The following ASAP1 variants were observed in gnomAD, a reference collection of about 807,000 sequenced individuals.
ASAP1 encodes arf-GAP with SH3 domain, ANK repeat and PH domain-containing protein 1.
ASAP1 carries 43 observed loss-of-function variants against 145.2 expected under a neutral mutation model. The observed-to-expected ratio is 0.30, with a 90% CI of 0.23 to 0.38. The LOEUF (loss-of-function observed/expected upper bound fraction) is 0.38, where lower values mean the gene tolerates loss of function less well. ASAP1 is among the 10% of genes least tolerant of loss of function. ASAP1 has a pLI of 1.00. For synonymous variants in ASAP1, 546 were observed against 515.5 expected (o/e 1.06, Z -0.80); for missense variants, 1,018 against 1,355.3 (o/e 0.75, Z 3.91).
chr8:130,422,354 A>ACTG (rs1434713969), intron 1 of ASAP1, among the ~76,000 whole-genome samples: 1 of 152,182 alleles, frequency 6.6e-6, no homozygotes, highest in Non-Finnish European at 1.5e-5. Context: ...ACAGAGAAAC[A>ACTG]CTGATTTAAT....
At chr8:130,390,933 T>A (rs913485802) in intron 2 of ASAP1, among the ~76,000 whole-genome samples, 2 of 133,150 alleles carry the variant, frequency 1.5e-5, no homozygotes, top group Non-Finnish European at 3.2e-5. Context: ...TGGGTATATA[T>A]CCCCCGCCCC....
intron 28 of ASAP1, 92 bp downstream of exon 28, chr8:130,060,487 C>A: frequency 6.7e-7 from 1 of 1,487,932 alleles, no homozygotes; most frequent in Non-Finnish European, 9.0e-7. Flanking sequence ...CAAGCTCTCA[C>A]TTTTTCTTGT....
chr8:130,361,714 G>A, intron 2 of ASAP1: 1 of 1,535,798 alleles, frequency 6.5e-7, no homozygotes, highest in Non-Finnish European at 8.7e-7. Context: ...CCATGCCTCA[G>A]TGAAAACCAT....
At chr8:130,298,786 G>C (rs925514758) in intron 3 of ASAP1, among the ~76,000 whole-genome samples, 3 of 151,924 alleles carry the variant, frequency 2.0e-5, no homozygotes, top group Non-Finnish European at 4.4e-5. Context: ...TCTTTGACTC[G>C]GGAGACAAGG....
intron 15 of ASAP1, 129 bp from the exon 16 acceptor site, chr8:130,128,219 C>A (rs2097578180): frequency 8.3e-6 from 5 of 599,030 alleles, no homozygotes; most frequent in Non-Finnish European, 1.3e-5. Flanking sequence ...AAGAGAAGCC[C>A]CCTTCCAAAA....
chr8:130,262,457 A>AGGGAGAGT (rs796416744), intron 3 of ASAP1, among the ~76,000 whole-genome samples: 2 of 127,804 alleles, frequency 1.6e-5, no homozygotes, highest in African/African-American at 2.9e-5. Context: ...AGAGAGAGAG[A>AGGGAGAGT]ACCTGTGGAA....
At chr8:130,121,552 T>A (rs1449479863) in intron 18 of ASAP1, among the ~76,000 whole-genome samples, 1 of 151,782 alleles carries the variant, frequency 6.6e-6, no homozygotes, top group African/African-American at 2.4e-5. Flanking sequence ...GAGGCCGAGG[T>A]GGGTGAATCA....
chr8:130,080,216 G>A (rs1333737747), intron 25 of ASAP1, among the ~76,000 whole-genome samples: 1 of 152,168 alleles, frequency 6.6e-6, no homozygotes, highest in East Asian at 1.9e-4. Context: ...CTGTGGCAAG[G>A]CCTCAAAGAG....
At chr8:130,134,268 A>G in intron 15 of ASAP1, 28 bp downstream of exon 15, 1 of 1,544,074 alleles carries the variant, frequency 6.5e-7, no homozygotes, top group Non-Finnish European at 8.8e-7. Flanking sequence ...AATCCAAGGC[A>G]TCGCACCTTT....
intron 24 of ASAP1, among the ~76,000 whole-genome samples, chr8:130,111,210 CAAA>C (rs768575084): frequency 2.4e-5 from 1 of 41,698 alleles, no homozygotes; most frequent in Admixed American, 3.5e-4. Context: ...TCATCTCTAC[CAAA>C]AAAAAAAAAA....
At chr8:130,099,592 AG>A (rs2135482456) in intron 24 of ASAP1, among the ~76,000 whole-genome samples, 1 of 151,924 alleles carries the variant, frequency 6.6e-6, no homozygotes, top group South Asian at 2.1e-4. Flanking sequence ...GAGAACATGC[AG>A]TATTTATCTT....
chr8:130,372,716 G>A (rs890976038), intron 2 of ASAP1, among the ~76,000 whole-genome samples: 2 of 152,126 alleles, frequency 1.3e-5, no homozygotes, highest in African/African-American at 4.8e-5. Flanking sequence ...GCTAGAGCTG[G>A]TAACCCAAAT....
intron 7 of ASAP1, among the ~76,000 whole-genome samples, chr8:130,182,208 C>T (rs544630107): frequency 2.6e-5 from 4 of 152,300 alleles, no homozygotes; most frequent in Non-Finnish European, 5.9e-5. Context: ...TTTCAATTTA[C>T]CATGGTGACT....
chr8:130,082,794 G>A (rs1051280914), intron 25 of ASAP1: 2 of 125,818 alleles, frequency 1.6e-5, no homozygotes, highest in African/African-American at 6.0e-5. Context: ...TTGGCCTCAA[G>A]TGATCCTCCT....
At chr8:130,215,419 G>A (rs1428378225) in intron 4 of ASAP1, among the ~76,000 whole-genome samples, 2 of 152,000 alleles carry the variant, frequency 1.3e-5, no homozygotes, top group Middle Eastern at 3.2e-3. Flanking sequence ...GCAACATGGC[G>A]AGACCCCGTC....
intron 3 of ASAP1, among the ~76,000 whole-genome samples, chr8:130,274,379 G>A (rs1383180708): frequency 1.3e-5 from 2 of 152,188 alleles, no homozygotes; most frequent in East Asian, 3.9e-4. Flanking sequence ...TTTGGAGGAG[G>A]TGCAGAAATG....
intron 3 of ASAP1, among the ~76,000 whole-genome samples, chr8:130,296,503 C>T (rs767037063): frequency 2.7e-5 from 4 of 148,370 alleles, no homozygotes; most frequent in Non-Finnish European, 5.9e-5. Context: ...CCACCTGCTA[C>T]TTCCCTTTTT....
At position 130,099,705 on chromosome 8, in the gene ASAP1, C is replaced by T. The variant is rs557887897; in HGVS notation, c.2402-7562G>A. ...CTTTTTTTTTTTTTTTTTTTTGAGA[C>T]AGAGTCTTGCTGTGTCGTCCAGGCT... On this transcript the variant is annotated intron_variant, in intron 24 of 29. Coordinates refer to ENST00000518721, the MANE Select transcript of ASAP1 (RefSeq NM_018482.4). 4.4e-3 allele frequency among the ~76,000 whole-genome samples: 476 copies of T among 108,858 alleles called. 2 individuals are homozygous for T. Among genetic ancestry groups the T allele is most frequent in the African/African-American group, 0.016 (452 of 28,422 alleles). 71.4% of individuals were successfully genotyped at this position (108,858 alleles called of 152,430 possible). A position where few individuals can be genotyped will look rare whatever the true frequency, so the allele number is the denominator to read the frequency against.
rs373622049 is a variant in ASAP1, at chr8:130,314,627, C to T, written c.186+43390G>A. On this transcript the variant is annotated intron_variant, in intron 3 of 29. Transcript: ENST00000518721. ...CCAATGCCTGGGCAGGCTTTCCAAA[C>T]CACAGCATGCTGCGCTTCCCAGTGG... 2.5e-3 allele frequency among the ~76,000 whole-genome samples: 382 copies of T among 152,358 alleles called. 1 individual carries two copies. The Middle Eastern group carries it at 0.027, about 11-fold the overall frequency.
Sources: allele counts gnomAD v4.1 joint callset (sites outside exome capture counted in the v4.1 genomes callset), GRCh38; gene constraint gnomAD v4.1.1; transcripts MANE v1.5; gene names NCBI Gene and HGNC (gene_info 2026-07-23, HGNC 2026-07-21).